Variants in CEP126 observed in about 807,000 individuals in gnomAD.
The protein encoded by CEP126 is centrosomal protein of 126 kDa.
In CEP126, 74 loss-of-function variants were observed where a neutral mutation model predicts 107.8. That is an observed-to-expected ratio of 0.69 (90% CI 0.57 to 0.83). The LOEUF is 0.83. CEP126 is among the 40% of genes least tolerant of loss of function. The pLI is 0.00. For missense variants in CEP126, 1,237 were observed against 1,281.9 expected, an observed-to-expected ratio of 0.96 and a Z score of 0.53; for synonymous variants, 449 against 446.0, an observed-to-expected ratio of 1.01 and a Z score of -0.08.
At chr11:101,964,070 C>T (rs1444934646) in intron 6 of CEP126, among the ~76,000 whole-genome samples, 190 bp downstream of exon 6, 1 of 152,082 alleles carries the variant, frequency 6.6e-6, no homozygotes, top group Non-Finnish European at 1.5e-5. Flanking sequence ...CTTTGGGAGG[C>T]CCAGGCGGGC....
rs577764251 is a variant in CEP126, at chr11:101,915,211, A to C, written c.-74A>C. 5.0e-4 allele frequency: 784 copies of C among 1,583,470 alleles called. 1 individual carries two copies. Among genetic ancestry groups the C allele is most frequent in the Non-Finnish European group, 6.5e-4 (756 of 1,162,180 alleles). ...GACGGAGTGTAGGGAGGGGCCGAGC[A>C]GGAGGAGGAGGAAGCCGGAGCTGCC... On this transcript the variant is annotated 5_prime_UTR_variant, in exon 1 of 11. Coordinates refer to ENST00000263468, the MANE Select transcript of CEP126 (RefSeq NM_020802.4).
chr11:101,965,518 T>C (rs1164481986), intron 6 of CEP126, among the ~76,000 whole-genome samples: 1 of 152,172 alleles, frequency 6.6e-6, no homozygotes, highest in East Asian at 1.9e-4. Context: ...TCATTACTTG[T>C]CTACAAAAAT....
intron 3 of CEP126, among the ~76,000 whole-genome samples, chr11:101,947,214 AC>A (rs771914579): frequency 6.6e-6 from 1 of 152,172 alleles, no homozygotes; most frequent in Non-Finnish European, 1.5e-5. Context: ...GGAAGTACCC[AC>A]GAAGAGCTAA....
At chr11:101,970,200 CA>C (rs1316647056) in intron 6 of CEP126, among the ~76,000 whole-genome samples, 1 of 152,072 alleles carries the variant, frequency 6.6e-6, no homozygotes. Context: ...ATAAAGAACC[CA>C]AAATGTTCTT....
At chr11:101,947,495 C>A (rs894504326) in intron 3 of CEP126, among the ~76,000 whole-genome samples, 1 of 152,046 alleles carries the variant, frequency 6.6e-6, no homozygotes, top group Non-Finnish European at 1.5e-5. Flanking sequence ...TTGTGCAGGG[C>A]AGTATATGGA....
intron 2 of CEP126, among the ~76,000 whole-genome samples, chr11:101,936,216 G>A (rs1940576578): frequency 6.6e-6 from 1 of 150,814 alleles, no homozygotes; most frequent in South Asian, 2.1e-4. Context: ...TTTTGGTTTG[G>A]GTTTTTTTGG....
chr11:101,947,861 T>G (rs1940758398), intron 3 of CEP126, among the ~76,000 whole-genome samples, 170 bp from the exon 4 acceptor site: 1 of 152,184 alleles, frequency 6.6e-6, no homozygotes, highest in Non-Finnish European at 1.5e-5. Flanking sequence ...TAACACATTC[T>G]CTTTTGGGAA....
intron 2 of CEP126, among the ~76,000 whole-genome samples, chr11:101,933,793 T>A (rs1223277265): frequency 1.3e-5 from 2 of 149,946 alleles, no homozygotes; most frequent in South Asian, 2.1e-4. Context: ...AAAGTAAACA[T>A]GGAAAACTTT....
At position 101,925,356 on chromosome 11, in the gene CEP126, G is replaced by A. The variant is rs553944777; in HGVS notation, c.248+2596G>A. Among the ~76,000 whole-genome samples, 254 of 152,246 alleles carry A rather than the reference G, an allele frequency of 1.7e-3. 1 individual carries two copies. The highest frequency in any genetic ancestry group is 3.9e-3 in the South Asian group (19 of 4,820). ...ACCAGAACTATCTTTTGGTAAATAC[G>A]TGAATGGGCATTTATTCACTCAACA... is the stretch of plus-strand genomic sequence containing the variant. On this transcript the variant is annotated intron_variant, in intron 2 of 10. Coordinates refer to ENST00000263468, the MANE Select transcript of CEP126 (RefSeq NM_020802.4).
At chr11:101,995,050 C>T (rs895739696) in intron 10 of CEP126, among the ~76,000 whole-genome samples, 26 of 152,060 alleles carry the variant, frequency 1.7e-4, no homozygotes, top group Non-Finnish European at 2.9e-5. Flanking sequence ...CAGGCCCTGG[C>T]GTGTGATGTT....
In CEP126 at chr11:101,995,106, G is replaced by A. The variant is rs141226192; in HGVS notation, c.3309+2264G>A. On this transcript the variant is annotated intron_variant, in intron 10 of 10. Coordinates refer to ENST00000263468, the MANE Select transcript of CEP126 (RefSeq NM_020802.4). ...TTCTCATTGTTCAACTCCCACTTACGAGTGAGAACATGCAGTGTTAAAACT... is the reference window on the plus strand; with the variant it reads ...TTCTCATTGTTCAACTCCCACTTACAAGTGAGAACATGCAGTGTTAAAACT... Among the ~76,000 whole-genome samples, 670 of 152,058 alleles carry A rather than the reference G, an allele frequency of 4.4e-3. 5 individuals carry two copies. The highest frequency in any genetic ancestry group is 0.015 in the African/African-American group (642 of 41,468).
intron 6 of CEP126, among the ~76,000 whole-genome samples, chr11:101,964,605 C>T (rs762097185): frequency 2.0e-5 from 3 of 151,650 alleles, no homozygotes; most frequent in Non-Finnish European, 4.4e-5. Context: ...CACCACTGCA[C>T]TCCAGCCTGG....
intron 8 of CEP126, among the ~76,000 whole-genome samples, chr11:101,982,401 T>A (rs1316508787): frequency 6.6e-6 from 1 of 152,230 alleles, no homozygotes; most frequent in East Asian, 1.9e-4. Context: ...GTGGTGTATG[T>A]CAACTTGAGG....
chr11:101,995,279 T>G (rs1941429880), intron 10 of CEP126, among the ~76,000 whole-genome samples: 1 of 152,186 alleles, frequency 6.6e-6, no homozygotes, highest in Admixed American at 6.5e-5. Flanking sequence ...AGGTCTGGGA[T>G]GAGACTAGGT....
At chr11:101,935,427 T>A (rs563202089) in intron 2 of CEP126, among the ~76,000 whole-genome samples, 163 of 152,238 alleles carry the variant, frequency 1.1e-3, no homozygotes, top group Non-Finnish European at 4.9e-4. Flanking sequence ...CCCAAGGTCA[T>A]AACTTCTTGA....
chr11:101,920,181 CAAAAG>C (rs1431150302), intron 1 of CEP126, among the ~76,000 whole-genome samples: 1 of 152,006 alleles, frequency 6.6e-6, no homozygotes. Context: ...AATAGCAACA[CAAAAG>C]AAAACAAATA....
intron 9 of CEP126, among the ~76,000 whole-genome samples, chr11:101,990,392 C>G (rs1247903451): frequency 6.6e-6 from 1 of 152,136 alleles, no homozygotes; most frequent in East Asian, 1.9e-4. Context: ...CTTGATTGCT[C>G]TCAAGGCACA....
intron 6 of CEP126, among the ~76,000 whole-genome samples, chr11:101,964,637 T>TA (rs200494884): frequency 0.017 from 2,129 of 128,802 alleles, 52 homozygotes; most frequent in African/African-American, 0.057. Flanking sequence ...AGACTCTATC[T>TA]AAAAAAAAAA....
In CEP126 at chr11:101,963,626, C is replaced by G. The variant is rs369949739; in HGVS notation, c.2591C>G (p.Ala864Gly). 3.2e-5 allele frequency: 51 copies of G among 1,614,128 alleles called. 3 individuals carry two copies. In the South Asian group the frequency reaches 5.4e-4, roughly 17 times the overall value. Residue 864 changes from alanine (A) to glycine (G), a missense_variant, in exon 6 of 11, where the codon GCT becomes GGT. Physicochemically the swap from Ala to Gly is moderately conservative, Grantham distance 60. Around this residue, in one of 3 missense-constraint regions of CEP126, gnomAD observed 1,134 missense variants for 1,150.5 expected, o/e 0.99. Transcript: ENST00000263468. ...GAAAGTAGTTCTCCACTCTCAAATG[C>G]TTGTTCTGACCTAGTCACTGTGATA... ...NQESSSPLSNACSDLVTVIPS... is the reference protein window; with the variant it reads ...NQESSSPLSNGCSDLVTVIPS...
Sources: allele counts gnomAD v4.1 joint callset (sites outside exome capture counted in the v4.1 genomes callset), GRCh38; gene constraint gnomAD v4.1.1; regional missense constraint gnomAD v4.1.1; transcripts MANE v1.5; gene names NCBI Gene and HGNC (gene_info 2026-07-23, HGNC 2026-07-21).